CSRNP2: variants seen among roughly 807,000 people sequenced by gnomAD.
CSRNP2 encodes cysteine and serine rich nuclear protein 2, also known as cysteine/serine-rich nuclear protein 2.
A neutral mutation model predicts 36.6 loss-of-function variants in CSRNP2; 11 were observed. The observed-to-expected ratio is 0.30, with a 90% CI of 0.19 to 0.50. CSRNP2 has a LOEUF of 0.50. Among genes scored for constraint, CSRNP2 ranks in the 20% least tolerant of loss-of-function variants. CSRNP2 has a pLI of 0.98. For synonymous variants in CSRNP2, 248 were observed against 275.3 expected (o/e 0.90, Z 0.98); for missense variants, 483 against 691.4 (o/e 0.70, Z 3.38).
chr12:51,071,277 C>A (rs1491000104), intron 3 of CSRNP2, among the ~76,000 whole-genome samples: 11 of 83,642 alleles, frequency 1.3e-4, no homozygotes, highest in African/African-American at 3.2e-4. Context: ...AAAAAAAAAA[C>A]CTACAAAAAT....
chr12:51,071,276 A>AC (rs1939144083), intron 3 of CSRNP2, among the ~76,000 whole-genome samples: 1 of 148,280 alleles, frequency 6.7e-6, no homozygotes, highest in African/African-American at 2.5e-5. Context: ...AAAAAAAAAA[A>AC]CCTACAAAAA....
At chr12:51,070,633 A>C (rs1183590369) in intron 3 of CSRNP2, among the ~76,000 whole-genome samples, 1 of 152,206 alleles carries the variant, frequency 6.6e-6, no homozygotes, top group Non-Finnish European at 1.5e-5. Flanking sequence ...AAAGATTCCC[A>C]ATGTATACTA....
chr12:51,076,349 C>G lies in CSRNP2; in HGVS notation c.151+62G>C, dbSNP rs150106801. The stretch of plus-strand genomic sequence containing the variant: ...CAAGCCACACAGACGCTGTCTCGAG[C>G]TGCCATGGGTTCTGCTGCTTGGGGA... On this transcript the variant is annotated intron_variant, in intron 2 of 4. Coordinates refer to ENST00000228515, the MANE Select transcript of CSRNP2 (RefSeq NM_030809.3). The G allele has an allele frequency of 2.6e-4, 399 of 1,564,044 alleles. 1 individual carries two copies. Among genetic ancestry groups the G allele is most frequent in the Middle Eastern group, 1.6e-3 (8 of 5,022 alleles).
chr12:51,072,383 C>A (rs959865723), intron 3 of CSRNP2, among the ~76,000 whole-genome samples: 1 of 150,634 alleles, frequency 6.6e-6, no homozygotes, highest in East Asian at 2.0e-4. Flanking sequence ...CATGGTGAAA[C>A]CCCGTCTCTA....
chr12:51,061,742 G>A lies in CSRNP2; in HGVS notation c.*2004C>T. The A allele has an allele frequency of 6.6e-6, 1 of 152,168 alleles. No homozygotes were observed. The allele number at this position is 152,168 out of a possible 1,614,324, so 9.4% of individuals were successfully genotyped here. On this transcript the variant is annotated 3_prime_UTR_variant, in exon 5 of 5. Transcript: ENST00000228515. ...TCCTGGTTTGATCCCAAAAGCTAAT[G>A]TGTTCCTCATCGTGCAGCTGGAATC...
At chr12:51,064,804 T>A (rs570538006) in intron 4 of CSRNP2, 135 bp from the exon 5 acceptor site, 44 of 617,704 alleles carry the variant, frequency 7.1e-5, no homozygotes, top group Non-Finnish European at 1.2e-4. Flanking sequence ...ATTCAAAGCA[T>A]AGCATGCAGT....
chr12:51,071,976 T>C (rs1398485355), intron 3 of CSRNP2, among the ~76,000 whole-genome samples: 1 of 152,082 alleles, frequency 6.6e-6, no homozygotes, highest in Non-Finnish European at 1.5e-5. Flanking sequence ...TTAGGAATAG[T>C]CTGAGGGAAG....
rs1435617761 is a variant in CSRNP2, at chr12:51,074,102, A to C, written c.152-20T>G. The stretch of plus-strand genomic sequence containing the variant: ...ATGTGGCTGAGAAGGGAGCACAGAG[A>C]GATGTTTTATTTATTTTTCTATTTA... On this transcript the variant is annotated intron_variant, in intron 2 of 4. Transcript: ENST00000228515. 1 of 1,601,112 alleles carries C rather than the reference A, an allele frequency of 6.2e-7. No individual in the cohort carries two copies. The highest frequency in any genetic ancestry group is 8.5e-7 in the Non-Finnish European group (1 of 1,175,292).
chr12:51,069,165 T>C (rs553444269), intron 3 of CSRNP2, among the ~76,000 whole-genome samples: 9 of 151,848 alleles, frequency 5.9e-5, no homozygotes, highest in Admixed American at 2.6e-4. Context: ...TTAGTAGACA[T>C]GGGGTTTCAC....
At chr12:51,073,246 T>C (rs1485969517) in intron 3 of CSRNP2, among the ~76,000 whole-genome samples, 1 of 150,998 alleles carries the variant, frequency 6.6e-6, no homozygotes, top group Non-Finnish European at 1.5e-5. Context: ...CATACATACA[T>C]ACATACATAA....
chr12:51,075,019 T>A (rs999456401), intron 2 of CSRNP2, among the ~76,000 whole-genome samples: 1 of 152,132 alleles, frequency 6.6e-6, no homozygotes, highest in Non-Finnish European at 1.5e-5. Context: ...GAGCCGAGAT[T>A]GTGCCACTGC....
Position 51,064,256 on chromosome 12 carries a change from G to T in CSRNP2, c.1122C>A (p.Gly374=). ...PLAVPEELCP[G]LTAPILIQAQ... is the part of the protein sequence containing the mutation. ...CCTGGATGAGAATGGGGGCTGTAAG[G>T]CCTGGGCACAGCTCTTCGGGGACAG... Residue 374 remains glycine, a synonymous_variant, in exon 5 of 5, where the codon GGC becomes GGA. Coordinates refer to ENST00000228515, the MANE Select transcript of CSRNP2 (RefSeq NM_030809.3). 1 of 1,613,218 alleles carries T rather than the reference G, an allele frequency of 6.2e-7. No individual in the cohort carries two copies. The highest frequency in any genetic ancestry group is 2.2e-5 in the East Asian group (1 of 44,872).
At chr12:51,076,058 A>T (rs899622844) in intron 2 of CSRNP2, among the ~76,000 whole-genome samples, 2 of 152,130 alleles carry the variant, frequency 1.3e-5, no homozygotes, top group Non-Finnish European at 2.9e-5. Context: ...AAAAAAAAGA[A>T]TTAAGAAATC....
In CSRNP2 at chr12:51,063,838, T is replaced by G; in HGVS notation, c.1540A>C (p.Asn514His). Reference protein sequence around the residue: ...SPSSLPFRTDNEEGCGMVKTS... With the variant: ...SPSSLPFRTDHEEGCGMVKTS... The stretch of plus-strand genomic sequence containing the variant: ...TTCACCATCCCACAGCCCTCTTCAT[T>G]GTCCGTGCGGAAGGGGAGGCTTGAG... The change falls in exon 5 of 5, where the codon AAT (asparagine) becomes CAT (histidine). Residue 514 changes from asparagine (N) to histidine (H), a missense_variant. This residue lies in a region of CSRNP2 where 277 missense variants were observed against 323.6 expected (regional missense o/e 0.86). Transcript: ENST00000228515. The G allele has an allele frequency of 1.5e-5, 24 of 1,613,848 alleles. No individual in the cohort carries two copies. Among genetic ancestry groups the G allele is most frequent in the Non-Finnish European group, 2.0e-5 (24 of 1,179,884 alleles).
At chr12:51,071,091 G>A (rs555368383) in intron 3 of CSRNP2, among the ~76,000 whole-genome samples, 33 of 151,964 alleles carry the variant, frequency 2.2e-4, no homozygotes, top group African/African-American at 6.0e-4. Context: ...GCAAAACTTC[G>A]TCTCTACTAA....
intron 1 of CSRNP2, among the ~76,000 whole-genome samples, chr12:51,078,905 A>G (rs528419370): frequency 2.6e-5 from 4 of 152,216 alleles, no homozygotes; most frequent in African/African-American, 9.7e-5. Context: ...TCATGCTGCT[A>G]TAAAGACACA....
In CSRNP2 at chr12:51,063,209, C is replaced by T. The variant is rs1937751531; in HGVS notation, c.*537G>A. 1 of 152,188 alleles carries T rather than the reference C, an allele frequency of 6.6e-6. No individual in the cohort carries two copies. Among genetic ancestry groups the T allele is most frequent in the Non-Finnish European group, 1.5e-5 (1 of 68,066 alleles). The allele number at this position is 152,188 out of a possible 1,614,324, so 9.4% of individuals were successfully genotyped here. On this transcript the variant is annotated 3_prime_UTR_variant, in exon 5 of 5. Transcript: ENST00000228515. ...TATGGGATTGAAGGAAGGCAGGTTA[C>T]ATTTTTGTAAATCCTGGAGATTTTG...
Position 51,076,541 on chromosome 12 carries a change from C to T in CSRNP2, c.21G>A (p.Ser7=). MDAFTG[S]GLKRKFDDVD... ...CATCATCAAACTTCCTCTTGAGACCCGAGCCCGTGAATGCATCCATTGGTT... is the reference window on the plus strand; with the variant it reads ...CATCATCAAACTTCCTCTTGAGACCTGAGCCCGTGAATGCATCCATTGGTT... Residue 7 remains serine, a synonymous_variant, in exon 2 of 5, where the codon TCG becomes TCA. Coordinates refer to ENST00000228515, the MANE Select transcript of CSRNP2 (RefSeq NM_030809.3). 3.1e-6 allele frequency: 5 copies of T among 1,614,064 alleles called. No homozygotes were observed. The highest frequency in any genetic ancestry group is 1.1e-5 in the South Asian group (1 of 91,078).
chr12:51,083,260 C>T (rs934844557), intron 1 of CSRNP2, 79 bp downstream of exon 1: 3 of 152,838 alleles, frequency 2.0e-5, no homozygotes, highest in African/African-American at 7.2e-5. Context: ...GGCTTGACCA[C>T]TCCTCCACGG....
Sources: gnomAD v4.1 joint callset for allele counts (sites outside exome capture counted in the v4.1 genomes callset) on GRCh38, gnomAD v4.1.1 for gene constraint, gnomAD v4.1.1 regional missense constraint, MANE v1.5 for transcripts, NCBI Gene and HGNC (gene_info 2026-07-23, HGNC 2026-07-21) for gene names.